The following ERBB4 variants were observed in gnomAD, a reference collection of about 807,000 sequenced individuals.
The protein encoded by ERBB4 is erb-b2 receptor tyrosine kinase 4.
A neutral mutation model predicts 158.0 loss-of-function variants in ERBB4; 42 were observed. The ratio of observed to expected loss-of-function variants is 0.27; its 90% CI spans 0.21 to 0.34. The LOEUF is 0.34. Among genes scored for constraint, ERBB4 ranks in the 10% least tolerant of loss-of-function variants. The pLI is 1.00. For missense variants in ERBB4, 1,333 were observed against 1,624.1 expected (o/e 0.82, Z 3.08); for synonymous variants, 583 against 558.7 (o/e 1.04, Z -0.61).
intron 4 of ERBB4, among the ~76,000 whole-genome samples, chr2:211,780,995 A>C (rs1377367578): frequency 6.6e-6 from 1 of 152,194 alleles, no homozygotes; most frequent in Non-Finnish European, 1.5e-5. Context: ...TGTATGTCTA[A>C]TGCACACAAA....
chr2:211,753,509 T>G (rs1274291464), intron 4 of ERBB4, among the ~76,000 whole-genome samples: 6 of 151,922 alleles, frequency 3.9e-5, no homozygotes, highest in Non-Finnish European at 8.8e-5. Flanking sequence ...CTCTATGAGT[T>G]TAAGGGAAAA....
chr2:211,467,435 G>A (rs1364246018), intron 20 of ERBB4, among the ~76,000 whole-genome samples: 1 of 152,142 alleles, frequency 6.6e-6, no homozygotes, highest in Non-Finnish European at 1.5e-5. Flanking sequence ...TATTAGGTGT[G>A]TTGTTTTTAG....
At chr2:211,599,182 A>C (rs2068724679) in intron 19 of ERBB4, among the ~76,000 whole-genome samples, 1 of 152,134 alleles carries the variant, frequency 6.6e-6, no homozygotes, top group African/African-American at 2.4e-5. Context: ...AATAACACTG[A>C]GCTTTAAGAA....
intron 1 of ERBB4, among the ~76,000 whole-genome samples, chr2:212,204,237 C>T (rs2082669953): frequency 6.6e-6 from 1 of 152,120 alleles, no homozygotes; most frequent in Non-Finnish European, 1.5e-5. Context: ...TCTCACATTG[C>T]TAATTGGAGA....
intron 3 of ERBB4, among the ~76,000 whole-genome samples, chr2:211,812,498 G>T (rs1282645526): frequency 1.3e-5 from 2 of 152,184 alleles, no homozygotes; most frequent in Admixed American, 6.5e-5. Context: ...ACAGGGGTCA[G>T]GGACCCACTT....
At position 211,561,939 on chromosome 2, in the gene ERBB4, T is replaced by C. The variant is rs758777423; in HGVS notation, c.2451A>G (p.Ser817=). The part of the protein sequence containing the change: ...YVHEHKDNIG[S]QLLLNWCVQI... ...GGACACACCAGTTAAGCAGCAGTTG[T>C]GATCCAATGTTATCCTTGTGCTCGT... The change falls in exon 20 of 28, where the codon TCA becomes TCG. Residue 817 remains serine, a synonymous_variant. Coordinates refer to ENST00000342788, the MANE Select transcript of ERBB4 (RefSeq NM_005235.3). The C allele has an allele frequency of 1.9e-6, 3 of 1,614,180 alleles. No homozygotes were observed. The South Asian group carries it at 3.3e-5, about 18-fold the overall frequency.
intron 5 of ERBB4, among the ~76,000 whole-genome samples, chr2:211,729,942 T>A (rs1178943599): frequency 6.6e-6 from 1 of 151,948 alleles, no homozygotes; most frequent in African/African-American, 2.4e-5. Flanking sequence ...AATTTAAAAC[T>A]GGGACGTTAA....
At chr2:211,823,805 G>C (rs772363920) in intron 3 of ERBB4, among the ~76,000 whole-genome samples, 1 of 151,964 alleles carries the variant, frequency 6.6e-6, no homozygotes, top group Non-Finnish European at 1.5e-5. Context: ...ACTGGCACGT[G>C]CTAAGCATTT....
At chr2:211,711,334 G>T (rs2073693932) in intron 9 of ERBB4, among the ~76,000 whole-genome samples, 1 of 152,078 alleles carries the variant, frequency 6.6e-6, no homozygotes, top group African/African-American at 2.4e-5. Flanking sequence ...TTTATCTGTA[G>T]CCTGCAGCAC....
chr2:212,325,431 T>C (rs770598960), intron 1 of ERBB4, among the ~76,000 whole-genome samples: 1 of 150,720 alleles, frequency 6.6e-6, no homozygotes, highest in Non-Finnish European at 1.5e-5. Context: ...ATGAGAAATA[T>C]AATAAGAAAG....
chr2:211,709,288 T>C (rs1036629517), intron 9 of ERBB4, among the ~76,000 whole-genome samples: 1 of 143,762 alleles, frequency 7.0e-6, no homozygotes, highest in African/African-American at 2.7e-5. Context: ...TACATATATA[T>C]ATACATATAT....
intron 1 of ERBB4, among the ~76,000 whole-genome samples, chr2:212,518,531 A>G (rs1196066388): frequency 1.3e-5 from 2 of 152,066 alleles, no homozygotes; most frequent in African/African-American, 4.8e-5. Context: ...AGGTACTAAC[A>G]GAATTGCCAT....
At chr2:212,154,833 A>C (rs2080984956) in intron 1 of ERBB4, among the ~76,000 whole-genome samples, 1 of 152,170 alleles carries the variant, frequency 6.6e-6, no homozygotes, top group Non-Finnish European at 1.5e-5. Flanking sequence ...TAATGAAGAC[A>C]GCAGAGGTTA....
chr2:212,238,742 T>C (rs934410260), intron 1 of ERBB4, among the ~76,000 whole-genome samples: 1 of 152,010 alleles, frequency 6.6e-6, no homozygotes, highest in Non-Finnish European at 1.5e-5. Flanking sequence ...AAGCAACGAG[T>C]TTAAAAATTT....
Position 212,333,853 on chromosome 2 carries a change from G to GA in ERBB4, c.82+204595dup, listed in dbSNP as rs574565238. Among the ~76,000 whole-genome samples the GA allele has an allele frequency of 9.9e-5, 15 of 151,938 alleles. No individual in the cohort carries two copies. In the East Asian group the frequency reaches 2.9e-3, roughly 30 times the overall value. On this transcript the variant is annotated intron_variant, in intron 1 of 27. Coordinates refer to ENST00000342788, the MANE Select transcript of ERBB4 (RefSeq NM_005235.3). ...TTGGGTTCACAATAATAATTCCTAAGAAAAAAACCTTCTTGACTAATTCAG... is the reference window on the plus strand; with the variant it reads ...TTGGGTTCACAATAATAATTCCTAAGAAAAAAAACCTTCTTGACTAATTCAG...
intron 12 of ERBB4, among the ~76,000 whole-genome samples, chr2:211,682,087 C>CACACAG (rs2072368921): frequency 6.9e-6 from 1 of 144,316 alleles, no homozygotes; most frequent in Non-Finnish European, 1.5e-5. Flanking sequence ...CACACACACA[C>CACACAG]ACACAATTGG....
intron 1 of ERBB4, among the ~76,000 whole-genome samples, chr2:212,228,575 A>C (rs1166578447): frequency 6.6e-6 from 1 of 152,176 alleles, no homozygotes; most frequent in Non-Finnish European, 1.5e-5. Context: ...GAATTATAAT[A>C]TTGGAGGGAG....
At chr2:211,465,231 G>A (rs926031993) in intron 20 of ERBB4, among the ~76,000 whole-genome samples, 2 of 152,068 alleles carry the variant, frequency 1.3e-5, no homozygotes, top group Non-Finnish European at 2.9e-5. Flanking sequence ...TGGAGGATTC[G>A]CAGGTAGGTG....
chr2:211,662,038 C>CAAAAAAAAAAAAAAAAAA (rs61318918), intron 15 of ERBB4, among the ~76,000 whole-genome samples: 3 of 39,694 alleles, frequency 7.6e-5, no homozygotes, highest in African/African-American at 2.6e-4. Flanking sequence ...GACTCCGTCT[C>CAAAAAAAAAAAAAAAAAA]AAAAAAAAAA....
Sources: allele counts gnomAD v4.1 joint callset (sites outside exome capture counted in the v4.1 genomes callset), GRCh38; gene constraint gnomAD v4.1.1; transcripts MANE v1.5; gene names NCBI Gene and HGNC (gene_info 2026-07-23, HGNC 2026-07-21).